Variants in C1QTNF7 observed in about 807,000 individuals in gnomAD.
The protein encoded by C1QTNF7 is complement C1q tumor necrosis factor-related protein 7.
In C1QTNF7, 15 loss-of-function variants were observed where a neutral mutation model predicts 19.6. The ratio of observed to expected loss-of-function variants is 0.76; its 90% CI spans 0.51 to 1.18. The LOEUF (loss-of-function observed/expected upper bound fraction) is 1.18. C1QTNF7 is among the 50% of genes most tolerant of loss of function. C1QTNF7 has a pLI of 0.00. For synonymous variants in C1QTNF7, 142 were observed against 137.5 expected (o/e 1.03, Z -0.23); for missense variants, 324 against 359.7 (o/e 0.90, Z 0.80).
intron 2 of C1QTNF7, among the ~76,000 whole-genome samples, chr4:15,441,877 T>C (rs936797309): frequency 2.0e-5 from 3 of 152,012 alleles, no homozygotes; most frequent in African/African-American, 7.2e-5. Context: ...AAAAATTAGC[T>C]GGGCGTAGTG....
chr4:15,345,026 T>C (rs1029916266), intron 1 of C1QTNF7, among the ~76,000 whole-genome samples: 1 of 152,214 alleles, frequency 6.6e-6, no homozygotes, highest in Non-Finnish European at 1.5e-5. Context: ...TAAATTTATC[T>C]TTAGATTTTC....
chr4:15,351,328 A>C (rs1465565485), intron 1 of C1QTNF7, among the ~76,000 whole-genome samples: 1 of 152,156 alleles, frequency 6.6e-6, no homozygotes, highest in Non-Finnish European at 1.5e-5. Flanking sequence ...CTTCCTAATC[A>C]AACACAAATT....
At chr4:15,367,420 C>A (rs889847392) in intron 1 of C1QTNF7, among the ~76,000 whole-genome samples, 1 of 152,180 alleles carries the variant, frequency 6.6e-6, no homozygotes, top group East Asian at 1.9e-4. Flanking sequence ...ATCACTTATA[C>A]AATTTTCATC....
At position 15,435,788 on chromosome 4, in the gene C1QTNF7, T is replaced by C; in HGVS notation, c.45T>C (p.Ser15=). Residue 15 remains serine, a synonymous_variant, in exon 2 of 3, where the codon AGT becomes AGC. Coordinates refer to ENST00000444304, the MANE Select transcript of C1QTNF7 (RefSeq NM_031911.5). ...LYVTSFAICA[S]GQPRGNQLKG... is the part of the protein sequence containing the mutation. ...TTACAAGTTTTGCCATTTGTGCCAG[T>C]GGACAACCCCGGGGTAATCAGTTGA... 2 of 1,614,142 alleles carry C rather than the reference T, an allele frequency of 1.2e-6. No homozygotes were observed. The highest frequency in any genetic ancestry group is 8.5e-7 in the Non-Finnish European group (1 of 1,180,024).
chr4:15,432,211 C>T (rs1712343845), intron 1 of C1QTNF7, among the ~76,000 whole-genome samples: 2 of 152,140 alleles, frequency 1.3e-5, no homozygotes, highest in Admixed American at 1.3e-4. Context: ...TAGACCATCG[C>T]ACCATGTAAC....
intron 1 of C1QTNF7, chr4:15,374,686 G>C: frequency 1.0e-6 from 1 of 985,344 alleles, no homozygotes; most frequent in Non-Finnish European, 1.2e-6. Flanking sequence ...CGCTGCCAAA[G>C]GGAAGGGGAT....
intron 1 of C1QTNF7, among the ~76,000 whole-genome samples, chr4:15,348,210 A>C (rs1716782903): frequency 6.6e-6 from 1 of 152,198 alleles, no homozygotes; most frequent in Non-Finnish European, 1.5e-5. Flanking sequence ...AGCAAAAGGA[A>C]TAAAAACACA....
intron 1 of C1QTNF7, among the ~76,000 whole-genome samples, chr4:15,405,233 C>T (rs1719148680): frequency 6.6e-6 from 1 of 152,012 alleles, no homozygotes; most frequent in Non-Finnish European, 1.5e-5. Flanking sequence ...CATCCTCGCA[C>T]TTGTGTCGAA....
At chr4:15,388,970 C>G (rs1361967332) in intron 1 of C1QTNF7, among the ~76,000 whole-genome samples, 1 of 152,092 alleles carries the variant, frequency 6.6e-6, no homozygotes, top group Non-Finnish European at 1.5e-5. Context: ...CCTCCAGGCT[C>G]AGTGAAATGA....
At chr4:15,382,871 A>C (rs1436308743) in intron 1 of C1QTNF7, among the ~76,000 whole-genome samples, 2 of 152,190 alleles carry the variant, frequency 1.3e-5, no homozygotes, top group African/African-American at 4.8e-5. Flanking sequence ...AGCTCTCGGC[A>C]GGCTCACCAC....
At chr4:15,340,340 G>T in intron 1 of C1QTNF7, 1 of 1,171,484 alleles carries the variant, frequency 8.5e-7, no homozygotes, top group South Asian at 1.4e-5. Context: ...GTCAACAAAT[G>T]ATAAATCAGA....
upstream of C1QTNF7, among the ~76,000 whole-genome samples, chr4:15,426,219 G>T (rs894754274): frequency 2.6e-5 from 4 of 152,188 alleles, no homozygotes; most frequent in African/African-American, 9.7e-5. Flanking sequence ...CGTCCTTGGG[G>T]TGAGTGGCAG....
At chr4:15,438,969 T>G (rs576550101) in intron 2 of C1QTNF7, among the ~76,000 whole-genome samples, 1 of 152,178 alleles carries the variant, frequency 6.6e-6, no homozygotes, top group Non-Finnish European at 1.5e-5. Flanking sequence ...AATGGTTGGA[T>G]GGAAGGAAGA....
At chr4:15,441,078 G>A (rs1319076570) in intron 2 of C1QTNF7, among the ~76,000 whole-genome samples, 1 of 152,140 alleles carries the variant, frequency 6.6e-6, no homozygotes, top group Non-Finnish European at 1.5e-5. Context: ...GGAGGTGGAA[G>A]TTGCAATGAG....
intron 1 of C1QTNF7, among the ~76,000 whole-genome samples, chr4:15,387,035 G>A (rs185060512): frequency 1.6e-4 from 25 of 152,280 alleles, no homozygotes; most frequent in African/African-American, 4.3e-4. Flanking sequence ...AGAAGACAGC[G>A]TTGAAAGGAA....
intron 1 of C1QTNF7, among the ~76,000 whole-genome samples, chr4:15,351,882 G>C (rs1716950511): frequency 6.6e-6 from 1 of 151,452 alleles, no homozygotes; most frequent in Admixed American, 6.6e-5. Flanking sequence ...GCTAGGGAGA[G>C]TCTACACTAA....
At chr4:15,365,471 G>T (rs560962379) in intron 1 of C1QTNF7, among the ~76,000 whole-genome samples, 14 of 152,110 alleles carry the variant, frequency 9.2e-5, no homozygotes, top group African/African-American at 3.4e-4. Context: ...GTGATTTCAC[G>T]TGGTTCAACT....
intron 1 of C1QTNF7, among the ~76,000 whole-genome samples, chr4:15,396,493 T>C (rs368299262): frequency 6.6e-6 from 1 of 152,156 alleles, no homozygotes; most frequent in East Asian, 1.9e-4. Context: ...GCAGATCTCA[T>C]GTATTCAGCA....
intron 1 of C1QTNF7, among the ~76,000 whole-genome samples, chr4:15,397,130 C>T (rs571280534): frequency 7.9e-5 from 12 of 152,226 alleles, no homozygotes; most frequent in South Asian, 6.2e-4. Context: ...ACCATGAGAA[C>T]GATATGAGGG....
Sources: gnomAD v4.1 joint callset for allele counts (sites outside exome capture counted in the v4.1 genomes callset) on GRCh38, gnomAD v4.1.1 for gene constraint, MANE v1.5 for transcripts, NCBI Gene and HGNC (gene_info 2026-07-23, HGNC 2026-07-21) for gene names.